The following IL20RB variants were observed in gnomAD, a reference collection of about 807,000 sequenced individuals.
IL20RB encodes interleukin 20 receptor subunit beta.
IL20RB carries 21 observed loss-of-function variants against 33.3 expected under a neutral mutation model. The observed-to-expected ratio is 0.63, with a 90% CI of 0.45 to 0.91. The LOEUF (loss-of-function observed/expected upper bound fraction) is 0.91. IL20RB is among the 40% of genes least tolerant of loss of function. The pLI is 0.00. For synonymous variants in IL20RB, 147 were observed against 146.8 expected, an observed-to-expected ratio of 1.00 and a Z score of -0.01; for missense variants, 345 against 384.8, an observed-to-expected ratio of 0.90 and a Z score of 0.86.
intron 4 of IL20RB, among the ~76,000 whole-genome samples, chr3:136,990,153 T>C (rs925653783): frequency 6.6e-6 from 1 of 151,734 alleles, no homozygotes; most frequent in Non-Finnish European, 1.5e-5. Flanking sequence ...ACAGAGGGAA[T>C]AGCCAGACAA....
At chr3:137,003,621 C>A (rs1049247404) in intron 6 of IL20RB, among the ~76,000 whole-genome samples, 2 of 152,088 alleles carry the variant, frequency 1.3e-5, no homozygotes, top group African/African-American at 4.8e-5. Flanking sequence ...GATTTTGTAT[C>A]CTGAGGCTTT....
At chr3:136,991,727 G>A (rs1452678528) in intron 4 of IL20RB, among the ~76,000 whole-genome samples, 3 of 152,180 alleles carry the variant, frequency 2.0e-5, no homozygotes, top group Admixed American at 6.5e-5. Context: ...TCCTGCCTCA[G>A]CCTCCTGAGT....
chr3:136,986,246 AATAAATAAATAAAAAT>A (rs1180879159), intron 3 of IL20RB, among the ~76,000 whole-genome samples: 1 of 142,616 alleles, frequency 7.0e-6, no homozygotes, highest in African/African-American at 2.6e-5. Flanking sequence ...TAAATAAATA[AATAAATAAATAAAAAT>A]AAAACAGGAA....
intron 6 of IL20RB, among the ~76,000 whole-genome samples, chr3:136,999,901 T>G (rs1181786165): frequency 6.6e-6 from 1 of 152,212 alleles, no homozygotes; most frequent in African/African-American, 2.4e-5. Context: ...TGAGAATATT[T>G]TCTTCTGTCT....
At chr3:136,962,750 C>CAA (rs1165650808) in intron 1 of IL20RB, among the ~76,000 whole-genome samples, 9 of 82,056 alleles carry the variant, frequency 1.1e-4, no homozygotes, top group South Asian at 4.3e-4. Flanking sequence ...GACTCCATCT[C>CAA]AAAAAAAAAA....
At chr3:136,986,050 T>C (rs1941889523) in intron 3 of IL20RB, among the ~76,000 whole-genome samples, 1 of 151,900 alleles carries the variant, frequency 6.6e-6, no homozygotes, top group Non-Finnish European at 1.5e-5. Context: ...GGTCAGGAGA[T>C]CAAGACCATC....
At chr3:136,996,221 G>A (rs779119067) in intron 6 of IL20RB, among the ~76,000 whole-genome samples, 8 of 152,018 alleles carry the variant, frequency 5.3e-5, no homozygotes, top group African/African-American at 7.3e-5. Flanking sequence ...CCATGCAATC[G>A]TAGGGGAAAC....
intron 3 of IL20RB, among the ~76,000 whole-genome samples, chr3:136,987,569 G>T (rs916403624): frequency 2.0e-5 from 3 of 152,234 alleles, no homozygotes; most frequent in Admixed American, 6.5e-5. Context: ...CTGCGTGCCA[G>T]TCCTGCGCCC....
chr3:136,991,790 T>C (rs1942036900), intron 4 of IL20RB, 148 bp from the exon 5 acceptor site: 1 of 610,096 alleles, frequency 1.6e-6, no homozygotes, highest in African/African-American at 1.9e-5. Context: ...TTATTTGTAG[T>C]AGAGATGGGG....
chr3:136,960,138 CTTTTTTTTTT>C lies in IL20RB; in HGVS notation c.88+1958_88+1967del, dbSNP rs10540948. Among the ~76,000 whole-genome samples, 8 of 36,198 alleles carry C rather than the reference CTTTTTTTTTT, an allele frequency of 2.2e-4. No homozygotes were observed. In the East Asian group the frequency reaches 5.7e-3, roughly 26 times the overall value. 23.7% of individuals were successfully genotyped at this position (36,198 alleles called of 152,430 possible). A position where few individuals can be genotyped will look rare whatever the true frequency, so the allele number is the denominator to read the frequency against. ...ACTGGGCAGATGGGTAGAGTTGTGG[CTTTTTTTTTT>C]TTTTTTTTTTTTTTTTTTTTGACCG... On this transcript the variant is annotated intron_variant, in intron 1 of 6. Transcript: ENST00000329582.
At chr3:136,975,867 A>G (rs1316460130) in intron 1 of IL20RB, among the ~76,000 whole-genome samples, 1 of 152,094 alleles carries the variant, frequency 6.6e-6, no homozygotes, top group Non-Finnish European at 1.5e-5. Context: ...AATGCTGATC[A>G]TTGGGCCTCC....
intron 6 of IL20RB, among the ~76,000 whole-genome samples, chr3:137,002,275 T>C (rs1237434639): frequency 6.6e-6 from 1 of 152,238 alleles, no homozygotes; most frequent in African/African-American, 2.4e-5. Flanking sequence ...TTTATAATCC[T>C]TTGGGTATCT....
intron 6 of IL20RB, among the ~76,000 whole-genome samples, chr3:137,003,131 C>G (rs1342944909): frequency 6.6e-6 from 1 of 152,088 alleles, no homozygotes; most frequent in African/African-American, 2.4e-5. Context: ...TTGTCTATAT[C>G]TCTGTTTTGG....
At chr3:136,998,242 T>C (rs924547430) in intron 6 of IL20RB, among the ~76,000 whole-genome samples, 1 of 151,714 alleles carries the variant, frequency 6.6e-6, no homozygotes, top group Non-Finnish European at 1.5e-5. Context: ...TTCACATTAC[T>C]TTTTCATGGT....
intron 2 of IL20RB, among the ~76,000 whole-genome samples, chr3:136,980,829 T>G (rs1412442901): frequency 6.6e-6 from 1 of 152,108 alleles, no homozygotes; most frequent in African/African-American, 2.4e-5. Context: ...TTTGGTGGAG[T>G]TATTTTAAAA....
intron 6 of IL20RB, among the ~76,000 whole-genome samples, chr3:137,002,474 G>T (rs1942264667): frequency 6.6e-6 from 1 of 152,088 alleles, no homozygotes; most frequent in Admixed American, 6.5e-5. Flanking sequence ...ATTCTAACTG[G>T]TATGAGATGG....
intron 5 of IL20RB, 127 bp downstream of exon 5, chr3:136,992,215 T>A: frequency 1.0e-6 from 1 of 986,346 alleles, no homozygotes; most frequent in Non-Finnish European, 1.5e-6. Context: ...CCTCATGGAC[T>A]GGGTGGGTTC....
intron 1 of IL20RB, among the ~76,000 whole-genome samples, chr3:136,974,999 A>G (rs1009206389): frequency 6.6e-6 from 1 of 152,094 alleles, no homozygotes; most frequent in African/African-American, 2.4e-5. Context: ...TTTCTCATTT[A>G]TATTCTGAAT....
At chr3:136,962,306 G>A (rs889062342) in intron 1 of IL20RB, among the ~76,000 whole-genome samples, 1 of 152,182 alleles carries the variant, frequency 6.6e-6, no homozygotes, top group Non-Finnish European at 1.5e-5. Flanking sequence ...AGTGATCAGG[G>A]TGGTTAACAT....
Sources: allele counts gnomAD v4.1 joint callset (sites outside exome capture counted in the v4.1 genomes callset), GRCh38; gene constraint gnomAD v4.1.1; transcripts MANE v1.5; gene names NCBI Gene and HGNC (gene_info 2026-07-23, HGNC 2026-07-21).